Variants in SLC2A13 observed in about 807,000 individuals in gnomAD.
SLC2A13 encodes the protein solute carrier family 2 member 13, also known as proton myo-inositol cotransporter.
In SLC2A13, 32 loss-of-function variants were observed where a neutral mutation model predicts 64.4. The ratio of observed to expected loss-of-function variants is 0.50; its 90% CI spans 0.37 to 0.67. The LOEUF (loss-of-function observed/expected upper bound fraction) is 0.67. SLC2A13 is among the 30% of genes least tolerant of loss of function. SLC2A13 has a pLI of 0.00. For synonymous variants in SLC2A13, 338 were observed against 327.1 expected (o/e 1.03, Z -0.36); for missense variants, 743 against 829.2 (o/e 0.90, Z 1.28).
chr12:39,823,734 C>T (rs781043103), intron 7 of SLC2A13, among the ~76,000 whole-genome samples: 5 of 152,152 alleles, frequency 3.3e-5, no homozygotes, highest in Non-Finnish European at 7.3e-5. Flanking sequence ...CAGGAATGTG[C>T]CACCTCACCT....
intron 3 of SLC2A13, among the ~76,000 whole-genome samples, chr12:39,997,177 T>A (rs987290995): frequency 4.6e-5 from 7 of 152,018 alleles, no homozygotes; most frequent in African/African-American, 1.7e-4. Flanking sequence ...TATACCAGTA[T>A]AAAAATAAGC....
chr12:39,905,490 T>C (rs1000889093), intron 4 of SLC2A13, among the ~76,000 whole-genome samples: 2 of 152,132 alleles, frequency 1.3e-5, no homozygotes, highest in African/African-American at 2.4e-5. Context: ...AGTTGCTTCA[T>C]TTTGTGGCAT....
At chr12:39,827,978 A>T (rs1942740988) in intron 7 of SLC2A13, among the ~76,000 whole-genome samples, 3 of 152,142 alleles carry the variant, frequency 2.0e-5, no homozygotes, top group African/African-American at 7.2e-5. Context: ...ATATCTCTAG[A>T]TGGGAATCCA....
intron 3 of SLC2A13, among the ~76,000 whole-genome samples, chr12:39,953,814 C>T (rs935713021): frequency 3.9e-5 from 6 of 152,100 alleles, no homozygotes; most frequent in Non-Finnish European, 8.8e-5. Context: ...ACTCTGAACA[C>T]CTCATACTAC....
At chr12:39,796,046 CT>C (rs1242187708) in intron 7 of SLC2A13, among the ~76,000 whole-genome samples, 7 of 152,124 alleles carry the variant, frequency 4.6e-5, no homozygotes. Flanking sequence ...CAAACCTCTT[CT>C]CCCCCCAGCC....
At chr12:39,988,996 G>T (rs1337290936) in intron 3 of SLC2A13, among the ~76,000 whole-genome samples, 1 of 152,196 alleles carries the variant, frequency 6.6e-6, no homozygotes, top group Non-Finnish European at 1.5e-5. Flanking sequence ...TAAGGGGCCA[G>T]ATTCCACCAT....
At chr12:39,919,017 T>C (rs1464172097) in intron 4 of SLC2A13, among the ~76,000 whole-genome samples, 1 of 151,832 alleles carries the variant, frequency 6.6e-6, no homozygotes, top group Non-Finnish European at 1.5e-5. Context: ...TGCTCTGTTG[T>C]CCAGGCTGGA....
rs565226223 is a variant in SLC2A13 at position 39,921,868 on chromosome 12, A to C, written c.1034+29389T>G. 5.3e-5 allele frequency among the ~76,000 whole-genome samples: 8 copies of C among 152,240 alleles called. No individual in the cohort carries two copies. In the South Asian group the frequency reaches 1.7e-3, roughly 32 times the overall value. ...TGAAATCAACTTTTCAGTATGGTAA[A>C]CCCACTTAATGTAAATATGGAAATA... On this transcript the variant is annotated intron_variant, in intron 4 of 9. Coordinates refer to ENST00000280871, the MANE Select transcript of SLC2A13 (RefSeq NM_052885.4).
At chr12:39,914,972 ACAGGTTATAGACTTAGTTT>A (rs1945499560) in intron 4 of SLC2A13, among the ~76,000 whole-genome samples, 1 of 151,972 alleles carries the variant, frequency 6.6e-6, no homozygotes. Flanking sequence ...CACAAAGTTA[ACAGGTTATAGACTTAGTTT>A]CAGGAACAAA....
chr12:39,948,165 A>G (rs1946170953), intron 4 of SLC2A13, among the ~76,000 whole-genome samples: 1 of 152,180 alleles, frequency 6.6e-6, no homozygotes, highest in Non-Finnish European at 1.5e-5. Flanking sequence ...TTGCATGTTG[A>G]AATTATTAGG....
chr12:40,028,163 T>A (rs1269044167), intron 3 of SLC2A13, 138 bp downstream of exon 3: 3 of 414,722 alleles, frequency 7.2e-6, no homozygotes, highest in Non-Finnish European at 1.2e-5. Context: ...ATGGATATTT[T>A]TGTATAAATA....
At chr12:39,783,302 G>C (rs1941064825) in intron 7 of SLC2A13, among the ~76,000 whole-genome samples, 1 of 152,296 alleles carries the variant, frequency 6.6e-6, no homozygotes, top group East Asian at 1.9e-4. Flanking sequence ...CCAAGTCTTT[G>C]CTATTGTGAA....
chr12:40,081,292 C>T (rs2624249), intron 1 of SLC2A13, among the ~76,000 whole-genome samples: 149,478 of 152,358 alleles, frequency 0.98, 73,329 homozygotes, highest in East Asian at 1. Context: ...TCCACAAAAA[C>T]GTTTTCCAAG....
intron 3 of SLC2A13, among the ~76,000 whole-genome samples, chr12:39,994,887 T>A (rs1270488293): frequency 2.0e-5 from 3 of 152,178 alleles, no homozygotes; most frequent in African/African-American, 7.2e-5. Flanking sequence ...ATAGTACAAT[T>A]TTCTTATCTA....
chr12:39,953,143 C>T (rs759288162), intron 3 of SLC2A13, among the ~76,000 whole-genome samples: 7 of 152,038 alleles, frequency 4.6e-5, no homozygotes, highest in Non-Finnish European at 1.0e-4. Context: ...GATGGTCAGG[C>T]TAGGTAATAA....
chr12:39,896,253 T>C (rs574786866), intron 4 of SLC2A13, among the ~76,000 whole-genome samples: 47 of 99,882 alleles, frequency 4.7e-4, no homozygotes, highest in South Asian at 2.0e-3. Context: ...TGTATACATG[T>C]ATGTATATGT....
At position 40,028,455 on chromosome 12, in the gene SLC2A13, G is replaced by C. The variant is rs145677582; in HGVS notation, c.771C>G (p.Leu257=). ...GCCATCGAGGGCTTTCAGGCAAAAA[G>C]AGAAAGCCAAAAAACTGTATAACCG... The part of the protein sequence containing the change: ...VPAVIQFFGF[L]FLPESPRWLI... The change falls in exon 3 of 10, where the codon CTC becomes CTG. Residue 257 remains leucine (L), a synonymous_variant. Transcript: ENST00000280871. 5 of 1,613,982 alleles carry C rather than the reference G, an allele frequency of 3.1e-6. No individual in the cohort carries two copies. The East Asian group carries it at 8.9e-5, about 29-fold the overall frequency.
At position 39,812,996 on chromosome 12, in the gene SLC2A13, ATTTT is replaced by A. The variant is rs71449493; in HGVS notation, c.1445+17103_1445+17106del. Among the ~76,000 whole-genome samples, 12 of 40,614 alleles carry A rather than the reference ATTTT, an allele frequency of 3.0e-4. No individual in the cohort carries two copies. The South Asian group carries it at 7.7e-3, about 26-fold the overall frequency. The allele number at this position is 40,614 out of a possible 152,430, so 26.6% of individuals were successfully genotyped here. On this transcript the variant is annotated intron_variant, in intron 7 of 9. Coordinates refer to ENST00000280871, the MANE Select transcript of SLC2A13 (RefSeq NM_052885.4). ...AGGCGCCTGACATCATGCCCAGCTAATTTTTTTTTTTTTTTTTTTTTTTTTTTTA... is the reference window on the plus strand; with the variant it reads ...AGGCGCCTGACATCATGCCCAGCTAATTTTTTTTTTTTTTTTTTTTTTTTA...
At position 40,105,712 on chromosome 12, in the gene SLC2A13, C is replaced by G; in HGVS notation, c.97G>C (p.Ala33Pro). 2.0e-6 allele frequency: 3 copies of G among 1,480,886 alleles called. No individual in the cohort carries two copies. Among genetic ancestry groups the G allele is most frequent in the Non-Finnish European group, 2.7e-6 (3 of 1,115,894 alleles). The allele number at this position is 1,480,886 out of a possible 1,614,324, so 91.7% of individuals were successfully genotyped here. A position where few individuals can be genotyped will look rare whatever the true frequency, so the allele number is the denominator to read the frequency against. ...AGGCTGCACTCCCCGGCCGCGCTCG[C>G]CGCGTCCGGCTCCGGCTGCTTCCTG... ...RRRKQPEPDA[A>P]SAAGECSLLA... Residue 33 changes from alanine (A) to proline (P), a missense_variant, in exon 1 of 10, where the codon GCG becomes CCG. Transcript: ENST00000280871. The surrounding 1 kb of genome is among the most constrained non-coding windows in gnomAD (Gnocchi z 4.2).
Sources: allele counts gnomAD v4.1 joint callset (sites outside exome capture counted in the v4.1 genomes callset), GRCh38; gene constraint gnomAD v4.1.1; non-coding constraint Gnocchi (gnomAD v3.1); transcripts MANE v1.5; gene names NCBI Gene and HGNC (gene_info 2026-07-23, HGNC 2026-07-21).